Variants in ZC3H7A observed in about 807,000 individuals in gnomAD.
ZC3H7A encodes zinc finger CCCH domain-containing protein 7A.
ZC3H7A carries 44 observed loss-of-function variants against 125.5 expected under a neutral mutation model. That is an observed-to-expected ratio of 0.35 (90% confidence interval 0.28 to 0.45). The LOEUF (loss-of-function observed/expected upper bound fraction) is 0.45. ZC3H7A is among the 20% of genes least tolerant of loss of function. The pLI is 1.00. For synonymous variants in ZC3H7A, 399 were observed against 391.2 expected (o/e 1.02, Z -0.23); for missense variants, 977 against 1,170.7 (o/e 0.83, Z 2.41).
At chr16:11,766,750 G>C (rs2052865644) in intron 13 of ZC3H7A, among the ~76,000 whole-genome samples, 3 of 151,752 alleles carry the variant, frequency 2.0e-5, no homozygotes, top group South Asian at 4.2e-4. Flanking sequence ...AGGTGTACTG[G>C]CGCATGCCTG....
At chr16:11,789,591 G>A (rs560861483) in intron 1 of ZC3H7A, among the ~76,000 whole-genome samples, 2 of 152,278 alleles carry the variant, frequency 1.3e-5, no homozygotes, top group Admixed American at 6.5e-5. Flanking sequence ...GGAGCTACCA[G>A]TGAGTTCTGT....
chr16:11,780,054 T>G (rs1315386098), intron 3 of ZC3H7A, among the ~76,000 whole-genome samples: 1 of 152,178 alleles, frequency 6.6e-6, no homozygotes, highest in Non-Finnish European at 1.5e-5. Context: ...CACATTCTTT[T>G]AGCATGTATA....
At chr16:11,787,661 A>G (rs995550456) in intron 1 of ZC3H7A, among the ~76,000 whole-genome samples, 4 of 152,094 alleles carry the variant, frequency 2.6e-5, no homozygotes, top group Admixed American at 2.6e-4. Context: ...AAGCACAGGG[A>G]CTGGCCAGGC....
chr16:11,768,272 A>G, intron 12 of ZC3H7A, 43 bp downstream of exon 12: 1 of 1,387,386 alleles, frequency 7.2e-7, no homozygotes. Flanking sequence ...CAAGGTTATG[A>G]GCAAGTAGTT....
In ZC3H7A at chr16:11,790,829, T is replaced by C. The variant is rs151173067; in HGVS notation, c.-35+6295A>G. Reference sequence around the variant, plus strand: ...AGGCAGAGGTTGCAGTGAGCCAAGATTGCGCCACTGCACTCCAGCCTGGGC... The same window carrying C: ...AGGCAGAGGTTGCAGTGAGCCAAGACTGCGCCACTGCACTCCAGCCTGGGC... On this transcript the variant is annotated intron_variant, in intron 1 of 22. Transcript: ENST00000355758. Among the ~76,000 whole-genome samples the C allele has an allele frequency of 3.2e-3, 481 of 151,810 alleles. 2 individuals carry two copies. The highest frequency in any genetic ancestry group is 0.01 in the African/African-American group (434 of 41,424).
intron 18 of ZC3H7A, 34 bp downstream of exon 18, chr16:11,761,876 C>G: frequency 6.2e-7 from 1 of 1,602,576 alleles, no homozygotes; most frequent in African/African-American, 1.3e-5. Flanking sequence ...CAGAAAATTA[C>G]AAAATAGGAA....
intron 10 of ZC3H7A, 38 bp downstream of exon 10, chr16:11,770,745 T>C: frequency 6.5e-7 from 1 of 1,549,394 alleles, no homozygotes; most frequent in Non-Finnish European, 8.8e-7. Context: ...TTTGAGAAAA[T>C]CAACTGCAAT....
In ZC3H7A at chr16:11,761,468, G is replaced by A. The variant is rs1006863396; in HGVS notation, c.2257C>T (p.Arg753Cys). 4.3e-6 allele frequency: 7 copies of A among 1,613,884 alleles called. No individual in the cohort carries two copies. Among genetic ancestry groups the A allele is most frequent in the Admixed American group, 1.7e-5 (1 of 59,990 alleles). The change falls in exon 19 of 23, where the codon CGT becomes TGT. Residue 753 changes from arginine to cysteine, a missense_variant. This residue lies in a region of ZC3H7A where 436 missense variants were observed against 603.2 expected (regional missense o/e 0.72). Coordinates refer to ENST00000355758, the MANE Select transcript of ZC3H7A (RefSeq NM_014153.4). Reference protein sequence around the residue: ...RRAMRVMSIERKKWMNIRPLP... With the variant: ...RRAMRVMSIECKKWMNIRPLP... ...GGACGGATGTTCATCCACTTCTTAC[G>A]TTCAATAGACATCACTCTCATCGCA...
At chr16:11,753,710 GCGAT>G (rs1050787611) in intron 21 of ZC3H7A, 1 of 152,146 alleles carries the variant, frequency 6.6e-6, no homozygotes, top group African/African-American at 2.4e-5. Context: ...GTGGAGTGAT[GCGAT>G]CTTGGCTCAC....
chr16:11,787,854 G>C (rs2053282632), intron 1 of ZC3H7A, among the ~76,000 whole-genome samples: 1 of 151,908 alleles, frequency 6.6e-6, no homozygotes, highest in Non-Finnish European at 1.5e-5. Flanking sequence ...GCTGAGGCAG[G>C]AGAATCGTTT....
intron 19 of ZC3H7A, chr16:11,758,806 A>T: frequency 2.8e-6 from 1 of 363,256 alleles, no homozygotes; most frequent in East Asian, 7.2e-5. Flanking sequence ...ATGTCTACAA[A>T]CTCACTTACT....
At chr16:11,761,669 T>C (rs952291682) in intron 18 of ZC3H7A, 158 bp from the exon 19 acceptor site, 1 of 859,232 alleles carries the variant, frequency 1.2e-6, no homozygotes, top group Non-Finnish European at 1.8e-6. Context: ...CTTCCTATTG[T>C]CATTTACAAA....
rs1449060796 is a variant in ZC3H7A, at chr16:11,789,860, C to G, written c.-35+7264G>C. 1.3e-5 allele frequency among the ~76,000 whole-genome samples: 2 copies of G among 151,990 alleles called. 1 individual carries two copies. The highest frequency in any genetic ancestry group is 4.2e-4 in the South Asian group (2 of 4,802). On this transcript the variant is annotated intron_variant, in intron 1 of 22. Transcript: ENST00000355758. ...CTTTGGGAGGCCGAGGCAGGCAGAT[C>G]ACTTGAAGTCAGGAGTTCCAGACCA...
At chr16:11,782,486 T>G in intron 1 of ZC3H7A, 98 bp from the exon 2 acceptor site, 2 of 968,910 alleles carry the variant, frequency 2.1e-6, no homozygotes, top group Non-Finnish European at 3.2e-6. Flanking sequence ...CAATCAGCTG[T>G]GGACACATCC....
At chr16:11,796,360 G>A (rs972109392) in intron 1 of ZC3H7A, 1 of 152,332 alleles carries the variant, frequency 6.6e-6, no homozygotes, top group East Asian at 1.9e-4. Context: ...CACCGTACTG[G>A]GCATGGCAAG....
chr16:11,774,902 G>A, intron 8 of ZC3H7A, 78 bp downstream of exon 8: 1 of 1,452,572 alleles, frequency 6.9e-7, no homozygotes, highest in South Asian at 1.2e-5. Context: ...GATATTATTT[G>A]ACAATACATC....
intron 10 of ZC3H7A, 116 bp downstream of exon 10, chr16:11,770,667 A>T: frequency 9.8e-7 from 1 of 1,018,960 alleles, no homozygotes; most frequent in Non-Finnish European, 1.4e-6. Flanking sequence ...ATTTTTAGCT[A>T]CAAAGAAAAT....
intron 10 of ZC3H7A, among the ~76,000 whole-genome samples, chr16:11,769,424 G>C (rs1012884092): frequency 6.6e-6 from 1 of 151,802 alleles, no homozygotes; most frequent in Non-Finnish European, 1.5e-5. Context: ...TGAAAATATG[G>C]GGCCAGGTGC....
At position 11,751,185 on chromosome 16, in the gene ZC3H7A, G is replaced by A. The variant is rs2052547624; in HGVS notation, c.*132C>T. 1 of 946,686 alleles carries A rather than the reference G, an allele frequency of 1.1e-6. No homozygotes were observed. The highest frequency in any genetic ancestry group is 3.1e-5 in the Admixed American group (1 of 31,952). The allele number at this position is 946,686 out of a possible 1,614,324, so 58.6% of individuals were successfully genotyped here. A position where few individuals can be genotyped will look rare whatever the true frequency, so the allele number is the denominator to read the frequency against. ...CAGCCCATTTTCCTACCTACTGTGG[G>A]TTGCTGCTCAGGAGGAACGATATAC... On this transcript the variant is annotated 3_prime_UTR_variant, in exon 23 of 23. Transcript: ENST00000355758.
Sources: allele counts gnomAD v4.1 joint callset (sites outside exome capture counted in the v4.1 genomes callset), GRCh38; gene constraint gnomAD v4.1.1; regional missense constraint gnomAD v4.1.1; transcripts MANE v1.5; gene names NCBI Gene and HGNC (gene_info 2026-07-23, HGNC 2026-07-21).